The following RHAG variants were observed in gnomAD, a reference collection of about 807,000 sequenced individuals.
RHAG encodes the protein Rh associated glycoprotein, also known as ammonium transporter Rh type A.
RHAG carries 25 observed loss-of-function variants against 42.4 expected under a neutral mutation model. That is an observed-to-expected ratio of 0.59 (90% confidence interval 0.43 to 0.82). The LOEUF is 0.82. Among genes scored for constraint, RHAG ranks in the 40% least tolerant of loss-of-function variants. The pLI, the probability that RHAG is intolerant of heterozygous loss-of-function variation, is 0.00. For missense variants in RHAG, 483 were observed against 504.6 expected (o/e 0.96, Z 0.41); for synonymous variants, 182 against 177.7 (o/e 1.02, Z -0.19).
Position 49,605,730 on chromosome 6 carries a change from AG to A in RHAG, c.*82del. 8.0e-7 allele frequency: 1 copy of A among 1,242,996 alleles called. No individual in the cohort carries two copies. Among genetic ancestry groups the A allele is most frequent in the Non-Finnish European group, 1.2e-6 (1 of 841,214 alleles). The allele number at this position is 1,242,996 out of a possible 1,614,324, so 77.0% of individuals were successfully genotyped here. On this transcript the variant is annotated 3_prime_UTR_variant, in exon 10 of 10. Transcript: ENST00000371175. ...TGGACTTGATTCTGGATAATGGGAA[AG>A]GAAGCTGGAGAGCAGGAATGGTGTT...
At chr6:49,629,839 C>T (rs994623671) in intron 1 of RHAG, among the ~76,000 whole-genome samples, 3 of 143,844 alleles carry the variant, frequency 2.1e-5, no homozygotes, top group African/African-American at 5.3e-5. Flanking sequence ...CCGGCTGCTC[C>T]GAGTGCGGGG....
At chr6:49,628,566 G>C (rs2127357449) in intron 1 of RHAG, among the ~76,000 whole-genome samples, 1 of 152,148 alleles carries the variant, frequency 6.6e-6, no homozygotes, top group South Asian at 2.1e-4. Flanking sequence ...TCTTCCTTCT[G>C]GTGGGTTCGT....
At position 49,609,985 on chromosome 6, in the gene RHAG, C is replaced by T. The variant is rs145308837; in HGVS notation, c.1067+1039G>A. ...AACACGGGAACAGAAAACCAAACAC[C>T]GCATGTTCTCACTTATAAGTGGGAG... On this transcript the variant is annotated intron_variant, in intron 7 of 9. Transcript: ENST00000371175. Among the ~76,000 whole-genome samples, 16 of 152,100 alleles carry T rather than the reference C, an allele frequency of 1.1e-4. No individual in the cohort carries two copies. The East Asian group carries it at 2.3e-3, about 22-fold the overall frequency.
chr6:49,614,140 G>A (rs1762610998), intron 5 of RHAG, among the ~76,000 whole-genome samples: 1 of 151,644 alleles, frequency 6.6e-6, no homozygotes, highest in Non-Finnish European at 1.5e-5. Flanking sequence ...CTACTAGACT[G>A]TAAATCCCTT....
chr6:49,622,658 A>C (rs2127355186), intron 1 of RHAG, among the ~76,000 whole-genome samples: 1 of 152,094 alleles, frequency 6.6e-6, no homozygotes, highest in East Asian at 1.9e-4. Context: ...AAGTCAAATA[A>C]ACTTCTTTCG....
At position 49,610,150 on chromosome 6, in the gene RHAG, T is replaced by C. The variant is rs535775842; in HGVS notation, c.1067+874A>G. Among the ~76,000 whole-genome samples the C allele has an allele frequency of 2.0e-5, 3 of 152,210 alleles. No homozygotes were observed. In the South Asian group the frequency reaches 6.2e-4, roughly 32 times the overall value. On this transcript the variant is annotated intron_variant, in intron 7 of 9. Coordinates refer to ENST00000371175, the MANE Select transcript of RHAG (RefSeq NM_000324.3). ...GCTTAAAACCTAGATGACTGGCTGATGGGTGCAGCAAACCACCAAGATACA... is the reference window on the plus strand; with the variant it reads ...GCTTAAAACCTAGATGACTGGCTGACGGGTGCAGCAAACCACCAAGATACA...
chr6:49,635,022 A>T (rs1275349476), intron 1 of RHAG, among the ~76,000 whole-genome samples: 1 of 149,158 alleles, frequency 6.7e-6, no homozygotes, highest in Non-Finnish European at 1.5e-5. Flanking sequence ...GCGAGGGGTG[A>T]TCAGATTAAA....
At chr6:49,625,140 C>A (rs1252096795) in intron 1 of RHAG, among the ~76,000 whole-genome samples, 1 of 152,216 alleles carries the variant, frequency 6.6e-6, no homozygotes, top group African/African-American at 2.4e-5. Context: ...CATTCTCACC[C>A]TTTAAAAGTT....
intron 6 of RHAG, among the ~76,000 whole-genome samples, chr6:49,611,749 T>C (rs541437633): frequency 5.7e-4 from 86 of 151,880 alleles, no homozygotes; most frequent in African/African-American, 2.0e-3. Context: ...TCTTTTTTTT[T>C]TTTTTCTTTT....
At chr6:49,625,171 A>C (rs1762825677) in intron 1 of RHAG, among the ~76,000 whole-genome samples, 1 of 152,248 alleles carries the variant, frequency 6.6e-6, no homozygotes, top group African/African-American at 2.4e-5. Flanking sequence ...AGTGAAGACC[A>C]AGAAATATTT....
At chr6:49,615,182 C>G (rs1762632849) in intron 4 of RHAG, 1 of 293,254 alleles carries the variant, frequency 3.4e-6, no homozygotes, top group South Asian at 3.5e-5. Flanking sequence ...GAACTCCTGA[C>G]CTCGTGATCC....
At chr6:49,616,227 G>T (rs2127352524) in intron 3 of RHAG, among the ~76,000 whole-genome samples, 1 of 152,176 alleles carries the variant, frequency 6.6e-6, no homozygotes, top group South Asian at 2.1e-4. Flanking sequence ...TGCACGCCTT[G>T]TAGTCCCAGC....
intron 3 of RHAG, 70 bp downstream of exon 3, chr6:49,617,998 A>T: frequency 7.2e-7 from 1 of 1,386,536 alleles, no homozygotes; most frequent in Non-Finnish European, 1.0e-6. Flanking sequence ...TATACCGTAG[A>T]CACCCATTGT....
chr6:49,612,649 T>C, intron 5 of RHAG, 115 bp from the exon 6 acceptor site: 3 of 1,214,262 alleles, frequency 2.5e-6, no homozygotes, highest in Non-Finnish European at 3.6e-6. Context: ...GAAAGGGCTA[T>C]TGGTTCTTTT....
chr6:49,628,143 C>A (rs1479510953), intron 1 of RHAG, among the ~76,000 whole-genome samples: 1 of 65,846 alleles, frequency 1.5e-5, no homozygotes, highest in Admixed American at 1.5e-4. Flanking sequence ...GAGACACACA[C>A]ACACACACAC....
At position 49,612,541 on chromosome 6, in the gene RHAG, G is replaced by A. The variant is rs773605860; in HGVS notation, c.808-7C>T. 1 of 1,613,866 alleles carries A rather than the reference G, an allele frequency of 6.2e-7. No homozygotes were observed. The highest frequency in any genetic ancestry group is 8.5e-7 in the Non-Finnish European group (1 of 1,179,884). ...TGGCATTCTGAATGTGAACCTGTGT[G>A]AGCGGCAGAAACATAAATGAGGTGA... On this transcript the variant is annotated splice_polypyrimidine_tract_variant and splice_region_variant and intron_variant, in intron 5 of 9. Transcript: ENST00000371175.
intron 1 of RHAG, among the ~76,000 whole-genome samples, chr6:49,624,122 C>T (rs1762805467): frequency 6.6e-6 from 1 of 152,134 alleles, no homozygotes; most frequent in East Asian, 1.9e-4. Flanking sequence ...CATTAGAATC[C>T]TACACTGTTC....
chr6:49,615,510 A>T, intron 4 of RHAG, 114 bp downstream of exon 4: 1 of 1,236,356 alleles, frequency 8.1e-7, no homozygotes, highest in Non-Finnish European at 1.2e-6. Context: ...ACAGTCGTTC[A>T]CTACCATGCC....
At chr6:49,636,563 A>G in intron 1 of RHAG, 93 bp downstream of exon 1, 1 of 1,267,050 alleles carries the variant, frequency 7.9e-7, no homozygotes, top group East Asian at 2.3e-5. Flanking sequence ...TAATTCTACA[A>G]AGAGCTCAAG....
Sources: allele counts gnomAD v4.1 joint callset (sites outside exome capture counted in the v4.1 genomes callset), GRCh38; gene constraint gnomAD v4.1.1; transcripts MANE v1.5; gene names NCBI Gene and HGNC (gene_info 2026-07-23, HGNC 2026-07-21).